Variants in ST6GALNAC3 observed in about 807,000 individuals in gnomAD.
The protein encoded by ST6GALNAC3 is alpha-N-acetylgalactosaminide alpha-2,6-sialyltransferase 3.
A neutral mutation model predicts 32.7 loss-of-function variants in ST6GALNAC3; 25 were observed. The ratio of observed to expected loss-of-function variants is 0.76; its 90% CI spans 0.56 to 1.07. The LOEUF (loss-of-function observed/expected upper bound fraction) is 1.07. ST6GALNAC3 is among the 50% of genes least tolerant of loss of function. The pLI is 0.00. For missense variants in ST6GALNAC3, 355 were observed against 382.4 expected, an observed-to-expected ratio of 0.93 and a Z score of 0.60; for synonymous variants, 129 against 133.1, an observed-to-expected ratio of 0.97 and a Z score of 0.21.
chr1:76,171,501 G>C (rs1652492702), intron 1 of ST6GALNAC3, among the ~76,000 whole-genome samples: 1 of 146,010 alleles, frequency 6.8e-6, no homozygotes, highest in Non-Finnish European at 1.5e-5. Context: ...TCCAGGAGCT[G>C]TTTTTTTTTT....
chr1:76,187,427 C>A (rs1373302682), intron 1 of ST6GALNAC3, among the ~76,000 whole-genome samples: 1 of 152,054 alleles, frequency 6.6e-6, no homozygotes, highest in Non-Finnish European at 1.5e-5. Flanking sequence ...AAGTTTGTAC[C>A]CTCCAGATAA....
At chr1:76,184,493 C>A (rs1361590796) in intron 1 of ST6GALNAC3, among the ~76,000 whole-genome samples, 1 of 147,900 alleles carries the variant, frequency 6.8e-6, no homozygotes, top group Non-Finnish European at 1.5e-5. Context: ...GAGCCAAGAT[C>A]GTGCCACTGC....
chr1:76,262,141 G>T (rs72675956), intron 1 of ST6GALNAC3, among the ~76,000 whole-genome samples: 2 of 152,238 alleles, frequency 1.3e-5, no homozygotes, highest in Non-Finnish European at 2.9e-5. Flanking sequence ...CACTTACTGT[G>T]TCCCAGAAAA....
intron 1 of ST6GALNAC3, among the ~76,000 whole-genome samples, chr1:76,156,057 G>C (rs1651394541): frequency 6.6e-6 from 1 of 152,104 alleles, no homozygotes; most frequent in South Asian, 2.1e-4. Context: ...GTTTTGAGGA[G>C]TACTGCTCAG....
chr1:76,273,496 G>A (rs998539465), intron 1 of ST6GALNAC3, among the ~76,000 whole-genome samples: 7 of 152,050 alleles, frequency 4.6e-5, no homozygotes, highest in African/African-American at 1.7e-4. Flanking sequence ...TCATGAAAGA[G>A]GAAATACAAA....
rs191663112 is a variant in ST6GALNAC3 at position 76,630,449 on chromosome 1, A to C, written c.*1643A>C. ...ATTGAGACAATTCTATTTTTCATAT[A>C]CTCGTTGCTCATTAAATAGTAAAGG... On this transcript the variant is annotated 3_prime_UTR_variant, in exon 5 of 5. Transcript: ENST00000328299. The C allele has an allele frequency of 5.8e-5, 57 of 985,146 alleles. No individual in the cohort carries two copies. In the African/African-American group the frequency reaches 8.7e-4, roughly 15 times the overall value. 61.0% of individuals were successfully genotyped at this position (985,146 alleles called of 1,614,324 possible).
At chr1:76,328,745 A>G (rs755772286) in intron 2 of ST6GALNAC3, among the ~76,000 whole-genome samples, 6 of 152,184 alleles carry the variant, frequency 3.9e-5, no homozygotes, top group Non-Finnish European at 8.8e-5. Context: ...TTAGGTGGAA[A>G]TTGACATCGT....
intron 3 of ST6GALNAC3, among the ~76,000 whole-genome samples, chr1:76,582,822 G>A (rs1350894295): frequency 2.0e-5 from 3 of 152,048 alleles, no homozygotes. Context: ...TCTTTTGGAT[G>A]TTCACACTCC....
At chr1:76,189,614 A>T (rs1316100458) in intron 1 of ST6GALNAC3, among the ~76,000 whole-genome samples, 1 of 152,238 alleles carries the variant, frequency 6.6e-6, no homozygotes, top group Non-Finnish European at 1.5e-5. Flanking sequence ...TCCAATAACA[A>T]CAACAAGAAT....
At chr1:76,108,488 T>C (rs1647691397) in intron 1 of ST6GALNAC3, among the ~76,000 whole-genome samples, 1 of 152,202 alleles carries the variant, frequency 6.6e-6, no homozygotes, top group East Asian at 1.9e-4. Flanking sequence ...GCCTCTTCCA[T>C]TGTGAATAGA....
intron 1 of ST6GALNAC3, among the ~76,000 whole-genome samples, chr1:76,143,514 C>T (rs1386639750): frequency 6.6e-6 from 1 of 151,542 alleles, no homozygotes; most frequent in East Asian, 1.9e-4. Flanking sequence ...TGAGTGGCCC[C>T]CTCTGATAAA....
intron 3 of ST6GALNAC3, among the ~76,000 whole-genome samples, chr1:76,523,064 A>G (rs1303565327): frequency 2.0e-5 from 3 of 152,138 alleles, no homozygotes; most frequent in Non-Finnish European, 2.9e-5. Flanking sequence ...TGTGGATTCC[A>G]GTTTATTCTC....
intron 1 of ST6GALNAC3, among the ~76,000 whole-genome samples, chr1:76,244,288 C>G (rs988644352): frequency 6.6e-6 from 1 of 152,106 alleles, no homozygotes; most frequent in Non-Finnish European, 1.5e-5. Flanking sequence ...GATTTTTGCA[C>G]ATTGATTTTG....
chr1:76,414,928 A>T (rs1285427455), intron 3 of ST6GALNAC3, among the ~76,000 whole-genome samples: 1 of 152,018 alleles, frequency 6.6e-6, no homozygotes, highest in East Asian at 1.9e-4. Flanking sequence ...TGTTTTAATT[A>T]GGATTAGCAT....
intron 3 of ST6GALNAC3, among the ~76,000 whole-genome samples, chr1:76,563,557 A>G (rs543526769): frequency 6.6e-6 from 1 of 152,198 alleles, no homozygotes; most frequent in Non-Finnish European, 1.5e-5. Flanking sequence ...TTAGAACCCA[A>G]TTTAACTCTT....
In ST6GALNAC3 at chr1:76,402,383, T is replaced by C. The variant is rs543753029; in HGVS notation, c.214-9625T>C. 1.6e-3 allele frequency among the ~76,000 whole-genome samples: 238 copies of C among 152,256 alleles called. 1 individual carries two copies. The highest frequency in any genetic ancestry group is 3.0e-3 in the Non-Finnish European group (201 of 68,006). Reference sequence around the variant, plus strand: ...CCACTAAGACAGTCATGCTTCCCTATCTTTTCCATTTACTAATTTTGCCAC... The same window carrying C: ...CCACTAAGACAGTCATGCTTCCCTACCTTTTCCATTTACTAATTTTGCCAC... On this transcript the variant is annotated intron_variant, in intron 2 of 4. Coordinates refer to ENST00000328299, the MANE Select transcript of ST6GALNAC3 (RefSeq NM_152996.4).
intron 1 of ST6GALNAC3, among the ~76,000 whole-genome samples, chr1:76,222,827 A>G (rs1401238746): frequency 6.6e-6 from 1 of 152,140 alleles, no homozygotes; most frequent in Non-Finnish European, 1.5e-5. Context: ...ATCATTAGAG[A>G]ATGCCAATCA....
chr1:76,260,959 ATG>A (rs1421610161), intron 1 of ST6GALNAC3, among the ~76,000 whole-genome samples: 1 of 140,872 alleles, frequency 7.1e-6, no homozygotes, highest in African/African-American at 2.7e-5. Context: ...ATAGTGTACA[ATG>A]TGAGGTTTTG....
intron 1 of ST6GALNAC3, among the ~76,000 whole-genome samples, chr1:76,085,422 A>T (rs551150734): frequency 6.6e-6 from 1 of 152,104 alleles, no homozygotes; most frequent in Admixed American, 6.5e-5. Flanking sequence ...CATGCCTCAC[A>T]CTCTGAATGG....
Sources: allele counts gnomAD v4.1 joint callset (sites outside exome capture counted in the v4.1 genomes callset), GRCh38; gene constraint gnomAD v4.1.1; transcripts MANE v1.5; gene names NCBI Gene and HGNC (gene_info 2026-07-23, HGNC 2026-07-21).